Variants in RSL24D1 observed in about 807,000 individuals in gnomAD.
RSL24D1 encodes ribosomal L24 domain containing 1, also known as probable ribosome biogenesis protein RLP24.
In RSL24D1, 6 loss-of-function variants were observed where a neutral mutation model predicts 26.2. The observed-to-expected ratio is 0.23, with a 90% CI of 0.13 to 0.45. The LOEUF (loss-of-function observed/expected upper bound fraction) is 0.45. RSL24D1 is among the 20% of genes least tolerant of loss of function. RSL24D1 has a pLI of 0.99. For synonymous variants in RSL24D1, 61 were observed against 59.1 expected, an observed-to-expected ratio of 1.03 and a Z score of -0.15; for missense variants, 176 against 202.6, an observed-to-expected ratio of 0.87 and a Z score of 0.80.
intron 5 of RSL24D1, 55 bp downstream of exon 5, chr15:55,183,260 G>C: frequency 7.8e-7 from 1 of 1,277,656 alleles, no homozygotes; most frequent in Non-Finnish European, 1.1e-6. Context: ...CCCAAAGTTA[G>C]TTGGTACCCA....
At chr15:55,186,446 G>C (rs1451183997) in intron 3 of RSL24D1, among the ~76,000 whole-genome samples, 1 of 152,124 alleles carries the variant, frequency 6.6e-6, no homozygotes, top group African/African-American at 2.4e-5. Context: ...GACAGCTTGT[G>C]TCTCCTGACA....
intron 4 of RSL24D1, among the ~76,000 whole-genome samples, chr15:55,184,282 C>T (rs1487933497): frequency 6.6e-6 from 1 of 152,172 alleles, no homozygotes; most frequent in Non-Finnish European, 1.5e-5. Flanking sequence ...GTCAAAATGA[C>T]ATGACAGTCT....
intron 2 of RSL24D1, 83 bp downstream of exon 2, chr15:55,192,637 A>ATGAT (rs1894310256): frequency 1.1e-6 from 1 of 933,024 alleles, no homozygotes; most frequent in South Asian, 1.4e-5. Flanking sequence ...AGGCCTTGTT[A>ATGAT]TGATTGATTA....
rs1894166647 is a variant in RSL24D1 at position 55,181,557 on chromosome 15, G to C, written c.*595C>G. 6.6e-6 allele frequency: 1 copy of C among 152,460 alleles called. No homozygotes were observed. The highest frequency in any genetic ancestry group is 6.6e-5 in the Admixed American group (1 of 15,262). The allele number at this position is 152,460 out of a possible 1,614,324, so 9.4% of individuals were successfully genotyped here. Reference sequence around the variant, plus strand: ...ATTCTAGAGTGTAGTGTCACTCCAGGCAAAGATTATTCAGTTCTCATCCCC... The same window carrying C: ...ATTCTAGAGTGTAGTGTCACTCCAGCCAAAGATTATTCAGTTCTCATCCCC... On this transcript the variant is annotated 3_prime_UTR_variant, in exon 6 of 6. Transcript: ENST00000260443.
At chr15:55,186,853 T>C (rs1894229871) in intron 3 of RSL24D1, among the ~76,000 whole-genome samples, 2 of 152,062 alleles carry the variant, frequency 1.3e-5, no homozygotes, top group Non-Finnish European at 2.9e-5. Flanking sequence ...CAAGAAGTAT[T>C]TTGCATGCTT....
intron 3 of RSL24D1, among the ~76,000 whole-genome samples, chr15:55,188,516 C>G (rs1894248191): frequency 6.6e-6 from 1 of 152,196 alleles, no homozygotes; most frequent in Admixed American, 6.5e-5. Flanking sequence ...TAGGAGTACT[C>G]AGTAAGTGCA....
In RSL24D1 at chr15:55,195,103, T is replaced by C. The variant is rs528061345; in HGVS notation, c.81+1707A>G. ...CCTAATCTGAACTAGGACAGGAAAG[T>C]AGAAAGAAGGCAAAGACACCACTAT... On this transcript the variant is annotated intron_variant, in intron 1 of 5. Transcript: ENST00000260443. 3.4e-5 allele frequency among the ~76,000 whole-genome samples: 5 copies of C among 149,122 alleles called. No individual in the cohort carries two copies. The South Asian group carries it at 8.6e-4, about 26-fold the overall frequency.
chr15:55,185,232 T>C (rs995099227), intron 4 of RSL24D1, 130 bp downstream of exon 4: 3 of 561,468 alleles, frequency 5.3e-6, no homozygotes, highest in Non-Finnish European at 9.3e-6. Flanking sequence ...GAGTTCTTCA[T>C]ATTATTCCTT....
At chr15:55,185,869 T>G (rs944567367) in intron 3 of RSL24D1, among the ~76,000 whole-genome samples, 30 of 152,204 alleles carry the variant, frequency 2.0e-4, no homozygotes, top group African/African-American at 6.7e-4. Context: ...AAACAATCAA[T>G]ACTACTAAGT....
chr15:55,182,332 C>T (rs1894177319), intron 5 of RSL24D1, 107 bp from the exon 6 acceptor site: 1 of 711,260 alleles, frequency 1.4e-6, no homozygotes, highest in Non-Finnish European at 2.5e-6. Context: ...TAATATTAGC[C>T]ACTCCTAAGA....
intron 3 of RSL24D1, among the ~76,000 whole-genome samples, chr15:55,186,481 C>A (rs76964370): frequency 0.043 from 6,478 of 152,190 alleles, 183 homozygotes; most frequent in Non-Finnish European, 0.065. Flanking sequence ...AACTCAGCAT[C>A]AAATCTCTGG....
chr15:55,184,474 A>G (rs1319602127), intron 4 of RSL24D1, among the ~76,000 whole-genome samples: 2 of 152,204 alleles, frequency 1.3e-5, no homozygotes, highest in Non-Finnish European at 2.9e-5. Flanking sequence ...TACATGAGAA[A>G]ATCAACTAAA....
chr15:55,192,392 ATAAAC>A (rs1894307471), intron 2 of RSL24D1: 1 of 199,626 alleles, frequency 5.0e-6, no homozygotes, highest in Non-Finnish European at 1.0e-5. Context: ...TGAGTCTATT[ATAAAC>A]TTCACCTGAG....
intron 3 of RSL24D1, among the ~76,000 whole-genome samples, chr15:55,189,099 A>T (rs1257563704): frequency 1.3e-5 from 2 of 151,626 alleles, no homozygotes; most frequent in Admixed American, 1.3e-4. Context: ...AGGCTGAGGC[A>T]GGAAAATTGC....
At chr15:55,196,016 A>T (rs1369416492) in intron 1 of RSL24D1, among the ~76,000 whole-genome samples, 1 of 152,244 alleles carries the variant, frequency 6.6e-6, no homozygotes, top group Non-Finnish European at 1.5e-5. Context: ...CTGAGAAACA[A>T]TGTGTTTCTC....
intron 3 of RSL24D1, among the ~76,000 whole-genome samples, chr15:55,190,535 A>G (rs1894285140): frequency 6.6e-6 from 1 of 152,200 alleles, no homozygotes; most frequent in Admixed American, 6.5e-5. Flanking sequence ...CTTAAGCACT[A>G]CACTTTTTAA....
chr15:55,181,953 A>T lies in RSL24D1; in HGVS notation c.*199T>A. 1 of 500,670 alleles carries T rather than the reference A, an allele frequency of 2.0e-6. No homozygotes were observed. The highest frequency in any genetic ancestry group is 3.1e-5 in the East Asian group (1 of 32,638). The allele number at this position is 500,670 out of a possible 1,614,324, so 31.0% of individuals were successfully genotyped here. On this transcript the variant is annotated 3_prime_UTR_variant, in exon 6 of 6. Coordinates refer to ENST00000260443, the MANE Select transcript of RSL24D1 (RefSeq NM_016304.3). ...GAATTTTCATGATTTACTTAAGTAC[A>T]TCTATCAGTAAAGATTTAACACTGA...
At chr15:55,188,601 A>C (rs1894249230) in intron 3 of RSL24D1, among the ~76,000 whole-genome samples, 1 of 152,238 alleles carries the variant, frequency 6.6e-6, no homozygotes. Flanking sequence ...TGTGCACTGA[A>C]TTAAAATAAA....
chr15:55,194,284 T>G lies in RSL24D1; in HGVS notation c.82-1451A>C, dbSNP rs561107288. The G allele has an allele frequency of 8.7e-4, 132 of 152,302 alleles. 1 individual carries two copies. Among genetic ancestry groups the G allele is most frequent in the African/African-American group, 2.9e-3 (122 of 41,568 alleles). 9.4% of individuals were successfully genotyped at this position (152,302 alleles called of 1,614,324 possible). ...CTAAGGATACAAGAACAATTAAAATTTGGTACTCTACCTTGAGAAGCTTAG... is the reference window on the plus strand; with the variant it reads ...CTAAGGATACAAGAACAATTAAAATGTGGTACTCTACCTTGAGAAGCTTAG... On this transcript the variant is annotated intron_variant, in intron 1 of 5. Coordinates refer to ENST00000260443, the MANE Select transcript of RSL24D1 (RefSeq NM_016304.3).
Sources: allele counts gnomAD v4.1 joint callset (sites outside exome capture counted in the v4.1 genomes callset), GRCh38; gene constraint gnomAD v4.1.1; transcripts MANE v1.5; gene names NCBI Gene and HGNC (gene_info 2026-07-23, HGNC 2026-07-21).